ACER3: variants seen among roughly 807,000 people sequenced by gnomAD.
ACER3 encodes alkCDase 3.
ACER3 carries 16 observed loss-of-function variants against 48.9 expected under a neutral mutation model. The ratio of observed to expected loss-of-function variants is 0.33; its 90% CI spans 0.22 to 0.50. The LOEUF (loss-of-function observed/expected upper bound fraction) is 0.50, where lower values mean the gene tolerates loss of function less well. Ranked by LOEUF, ACER3 falls within the 20% of genes least tolerant of loss-of-function variation. The pLI, the probability that ACER3 is intolerant of heterozygous loss-of-function variation, is 0.98. For synonymous variants in ACER3, 109 were observed against 107.8 expected (o/e 1.01, Z -0.07); for missense variants, 227 against 326.0 (o/e 0.70, Z 2.34).
intron 3 of ACER3, among the ~76,000 whole-genome samples, chr11:76,962,695 T>C (rs1410910759): frequency 9.3e-5 from 14 of 151,334 alleles, no homozygotes; most frequent in Admixed American, 9.2e-4. Flanking sequence ...ATAATGAAAG[T>C]AAAGAAATTT....
chr11:76,866,638 C>G (rs1010327717), intron 1 of ACER3, among the ~76,000 whole-genome samples: 1 of 152,110 alleles, frequency 6.6e-6, no homozygotes, highest in African/African-American at 2.4e-5. Context: ...GATATTGGAA[C>G]CCTGCAAAGT....
chr11:76,979,309 A>G (rs978667630), intron 4 of ACER3, among the ~76,000 whole-genome samples: 3 of 152,230 alleles, frequency 2.0e-5, no homozygotes, highest in Non-Finnish European at 4.4e-5. Flanking sequence ...TTAGTTAGCT[A>G]TAACCAACTA....
chr11:76,881,652 A>G (rs1945530547), intron 1 of ACER3, among the ~76,000 whole-genome samples: 1 of 152,148 alleles, frequency 6.6e-6, no homozygotes, highest in South Asian at 2.1e-4. Flanking sequence ...TATTATATGT[A>G]TTACATTTAT....
intron 2 of ACER3, among the ~76,000 whole-genome samples, chr11:76,951,957 T>C (rs558640544): frequency 5.3e-5 from 8 of 152,284 alleles, no homozygotes; most frequent in Admixed American, 4.6e-4. Flanking sequence ...ACTGGCCTTA[T>C]CAAACATTAT....
At chr11:76,911,354 C>CGTTT (rs890717771) in intron 1 of ACER3, among the ~76,000 whole-genome samples, 2 of 152,096 alleles carry the variant, frequency 1.3e-5, no homozygotes, top group Non-Finnish European at 2.9e-5. Context: ...TGCAAACTGT[C>CGTTT]GTGGCACTGG....
At chr11:76,924,084 C>T (rs756353681) in intron 1 of ACER3, among the ~76,000 whole-genome samples, 3 of 152,060 alleles carry the variant, frequency 2.0e-5, no homozygotes, top group African/African-American at 4.8e-5. Flanking sequence ...GCCAAGGTCC[C>T]GCTGGGTACT....
chr11:76,962,346 A>G (rs1339444818), intron 3 of ACER3, among the ~76,000 whole-genome samples: 2 of 149,628 alleles, frequency 1.3e-5, no homozygotes, highest in Non-Finnish European at 2.9e-5. Flanking sequence ...CAGCCTCCTG[A>G]GTAGCTGGGG....
chr11:77,007,610 C>G (rs1949181021), intron 7 of ACER3, among the ~76,000 whole-genome samples: 1 of 152,244 alleles, frequency 6.6e-6, no homozygotes, highest in African/African-American at 2.4e-5. Context: ...AAAATTCTGA[C>G]TCTGCAGTAG....
At chr11:76,946,200 C>A (rs1275860726) in intron 2 of ACER3, among the ~76,000 whole-genome samples, 2 of 152,126 alleles carry the variant, frequency 1.3e-5, no homozygotes, top group Non-Finnish European at 2.9e-5. Context: ...TGTCCCTCCT[C>A]AGCCAGGCAG....
chr11:76,955,112 A>G (rs1947801426), intron 2 of ACER3, among the ~76,000 whole-genome samples: 1 of 152,218 alleles, frequency 6.6e-6, no homozygotes. Flanking sequence ...AATCACAAAG[A>G]CAGCCAGTGA....
intron 1 of ACER3, among the ~76,000 whole-genome samples, chr11:76,870,020 C>G (rs994346533): frequency 1.3e-5 from 2 of 151,830 alleles, no homozygotes; most frequent in Non-Finnish European, 2.9e-5. Context: ...GGACACCACA[C>G]CTGGCTACTT....
At position 76,901,529 on chromosome 11, in the gene ACER3, A is replaced by G. The variant is rs945080340; in HGVS notation, c.104-25028A>G. Among the ~76,000 whole-genome samples, 29 of 152,286 alleles carry G rather than the reference A, an allele frequency of 1.9e-4. 4 individuals carry two copies. Among genetic ancestry groups the G allele is most frequent in the Admixed American group, 1.3e-3 (20 of 15,298 alleles). On this transcript the variant is annotated intron_variant, in intron 1 of 10. Transcript: ENST00000532485. Reference sequence around the variant, plus strand: ...AGTAGTGTAGCAGGACGAGCCACAGACAAAACTCCTCAGACACCGAGTTAA... The same window carrying G: ...AGTAGTGTAGCAGGACGAGCCACAGGCAAAACTCCTCAGACACCGAGTTAA...
intron 1 of ACER3, among the ~76,000 whole-genome samples, chr11:76,862,298 AAAG>A (rs1944963075): frequency 6.6e-6 from 1 of 151,592 alleles, no homozygotes; most frequent in South Asian, 2.1e-4. Flanking sequence ...AAAAAAAAAA[AAAG>A]AACACTTTTT....
At position 77,020,384 on chromosome 11, in the gene ACER3, T is replaced by C. The variant is rs1421357620; in HGVS notation, c.*57T>C. ...CCTACCATAGACCTGGCAGAATAAA[T>C]AAGGAAATCCTTAAAGATCTACAAG... On this transcript the variant is annotated 3_prime_UTR_variant, in exon 11 of 11. Coordinates refer to ENST00000532485, the MANE Select transcript of ACER3 (RefSeq NM_018367.7). 2 of 1,567,360 alleles carry C rather than the reference T, an allele frequency of 1.3e-6. No individual in the cohort carries two copies. The highest frequency in any genetic ancestry group is 3.5e-5 in the Admixed American group (2 of 57,816).
chr11:76,974,113 A>G (rs1217268110), intron 3 of ACER3, among the ~76,000 whole-genome samples: 1 of 152,216 alleles, frequency 6.6e-6, no homozygotes, highest in Non-Finnish European at 1.5e-5. Context: ...CATAGCCTTA[A>G]TTACTGTACA....
intron 1 of ACER3, among the ~76,000 whole-genome samples, chr11:76,921,844 C>T (rs950430845): frequency 6.6e-6 from 1 of 152,050 alleles, no homozygotes; most frequent in Non-Finnish European, 1.5e-5. Flanking sequence ...GTCAATCTGA[C>T]CCAGGAATCC....
intron 2 of ACER3, among the ~76,000 whole-genome samples, chr11:76,939,598 AAAAC>A (rs1026279489): frequency 1.3e-5 from 2 of 152,306 alleles, no homozygotes; most frequent in South Asian, 2.1e-4. Flanking sequence ...GCTATCTCTA[AAAAC>A]AAACAAACAA....
chr11:76,912,763 T>C (rs1946417417), intron 1 of ACER3, among the ~76,000 whole-genome samples: 1 of 152,100 alleles, frequency 6.6e-6, no homozygotes, highest in South Asian at 2.1e-4. Context: ...ATTAAGGCAA[T>C]TGAGGAAATT....
intron 2 of ACER3, among the ~76,000 whole-genome samples, chr11:76,943,943 A>G (rs1165829451): frequency 2.0e-5 from 3 of 150,732 alleles, no homozygotes; most frequent in Non-Finnish European, 4.4e-5. Flanking sequence ...TTTGATTTAA[A>G]GTCTATTTTA....
Sources: gnomAD v4.1 joint callset for allele counts (sites outside exome capture counted in the v4.1 genomes callset) on GRCh38, gnomAD v4.1.1 for gene constraint, MANE v1.5 for transcripts, NCBI Gene and HGNC (gene_info 2026-07-23, HGNC 2026-07-21) for gene names.